The following PTPRT variants were observed in gnomAD, a reference collection of about 807,000 sequenced individuals.
PTPRT encodes the protein receptor-type tyrosine-protein phosphatase T.
A neutral mutation model predicts 176.8 loss-of-function variants in PTPRT; 56 were observed. The ratio of observed to expected loss-of-function variants is 0.32; its 90% CI spans 0.26 to 0.40. PTPRT has a LOEUF of 0.40. PTPRT is among the 10% of genes least tolerant of loss of function. The probability of loss-of-function intolerance (pLI) is 1.00; values close to 1 mark genes in which losing one functional copy is unlikely to be tolerated. For synonymous variants in PTPRT, 783 were observed against 739.0 expected (o/e 1.06, Z -0.96); for missense variants, 1,540 against 1,908.2 (o/e 0.81, Z 3.60).
intron 16 of PTPRT, among the ~76,000 whole-genome samples, chr20:42,165,409 C>T (rs369081800): frequency 3.3e-5 from 5 of 152,214 alleles, no homozygotes; most frequent in South Asian, 2.1e-4. Flanking sequence ...ATAAGGTGTG[C>T]GTGAATAAGC....
chr20:42,672,461 A>G (rs988865359), intron 7 of PTPRT, among the ~76,000 whole-genome samples: 10 of 152,162 alleles, frequency 6.6e-5, no homozygotes, highest in Admixed American at 3.3e-4. Context: ...ACTTTCCTTT[A>G]TAGATACATC....
chr20:42,878,373 T>C (rs745964845), intron 2 of PTPRT, among the ~76,000 whole-genome samples: 4 of 152,258 alleles, frequency 2.6e-5, no homozygotes, highest in Non-Finnish European at 5.9e-5. Flanking sequence ...ATGACTTTCA[T>C]TTCATTCTTT....
At chr20:42,546,727 T>C (rs1274321591) in intron 7 of PTPRT, among the ~76,000 whole-genome samples, 1 of 152,166 alleles carries the variant, frequency 6.6e-6, no homozygotes, top group African/African-American at 2.4e-5. Context: ...GGGTAATTAA[T>C]TGGCCTAATT....
chr20:42,245,552 C>T (rs1454327303), intron 14 of PTPRT, among the ~76,000 whole-genome samples: 1 of 152,156 alleles, frequency 6.6e-6, no homozygotes, highest in Admixed American at 6.5e-5. Flanking sequence ...CTCTCTTTTC[C>T]CTCCTCTATT....
intron 7 of PTPRT, among the ~76,000 whole-genome samples, chr20:42,574,562 T>C (rs2073222485): frequency 6.6e-6 from 1 of 151,730 alleles, no homozygotes; most frequent in African/African-American, 2.4e-5. Flanking sequence ...CTCCAGGGGA[T>C]GGAGGGAGGG....
chr20:42,348,370 T>TTTCATTTATTTA (rs1555830098), intron 11 of PTPRT, among the ~76,000 whole-genome samples: 2 of 146,526 alleles, frequency 1.4e-5, no homozygotes, highest in South Asian at 2.2e-4. Context: ...GTGACATTTC[T>TTTCATTTATTTA]TTTATTTATT....
intron 14 of PTPRT, among the ~76,000 whole-genome samples, chr20:42,240,384 G>A (rs1219033336): frequency 6.6e-6 from 1 of 152,200 alleles, no homozygotes; most frequent in Non-Finnish European, 1.5e-5. Context: ...AGGATACAGT[G>A]ATATTGCAAG....
At chr20:42,977,484 A>G (rs1983017935) in intron 1 of PTPRT, among the ~76,000 whole-genome samples, 1 of 152,214 alleles carries the variant, frequency 6.6e-6, no homozygotes, top group Admixed American at 6.5e-5. Context: ...ATTATAATAA[A>G]TATGTAAAGT....
intron 1 of PTPRT, among the ~76,000 whole-genome samples, chr20:43,104,844 TA>T (rs1430665941): frequency 2.6e-5 from 4 of 152,204 alleles, no homozygotes; most frequent in Admixed American, 1.3e-4. Context: ...TGGTGAGTAT[TA>T]AATAGATAAT....
At chr20:42,769,771 C>T (rs2077035995) in intron 5 of PTPRT, among the ~76,000 whole-genome samples, 1 of 152,158 alleles carries the variant, frequency 6.6e-6, no homozygotes, top group African/African-American at 2.4e-5. Context: ...GTAGTATATC[C>T]ATTCTATGAA....
chr20:43,066,914 T>G lies in PTPRT; in HGVS notation c.88+122732A>C, dbSNP rs932765131. Among the ~76,000 whole-genome samples the G allele has an allele frequency of 5.9e-5, 9 of 152,140 alleles. No individual in the cohort carries two copies. In the South Asian group the frequency reaches 6.2e-4, roughly 11 times the overall value. On this transcript the variant is annotated intron_variant, in intron 1 of 30. Transcript: ENST00000373187. ...CACTTTTTGTGCTACAATGGCAGAGTTGATTAATTATGACAGAGACCCTGT... is the reference window on the plus strand; with the variant it reads ...CACTTTTTGTGCTACAATGGCAGAGGTGATTAATTATGACAGAGACCCTGT...
At chr20:42,343,579 C>T (rs2058144014) in intron 11 of PTPRT, among the ~76,000 whole-genome samples, 1 of 152,202 alleles carries the variant, frequency 6.6e-6, no homozygotes, top group African/African-American at 2.4e-5. Context: ...ATACTACAAG[C>T]TTGTCTGCTT....
At chr20:42,419,222 A>C (rs2059094286) in intron 9 of PTPRT, among the ~76,000 whole-genome samples, 2 of 152,106 alleles carry the variant, frequency 1.3e-5, no homozygotes, top group Non-Finnish European at 2.9e-5. Flanking sequence ...GGTCCATCCC[A>C]CCCAATATGT....
chr20:42,677,123 G>A (rs1391807769), intron 7 of PTPRT, among the ~76,000 whole-genome samples: 2 of 152,118 alleles, frequency 1.3e-5, no homozygotes, highest in African/African-American at 4.8e-5. Flanking sequence ...AGCTCTTAGG[G>A]ACTAAGGTAG....
chr20:42,808,021 G>C (rs2077638116), intron 2 of PTPRT, among the ~76,000 whole-genome samples: 1 of 152,204 alleles, frequency 6.6e-6, no homozygotes, highest in South Asian at 2.1e-4. Context: ...CAGCTGCAGA[G>C]TGTACTCCCA....
intron 2 of PTPRT, among the ~76,000 whole-genome samples, chr20:42,799,512 T>C (rs2077499746): frequency 6.6e-6 from 1 of 152,118 alleles, no homozygotes; most frequent in African/African-American, 2.4e-5. Context: ...TCCCCAACAA[T>C]TCAATTCAAT....
At chr20:42,915,879 G>A (rs555142955) in intron 1 of PTPRT, among the ~76,000 whole-genome samples, 6 of 151,926 alleles carry the variant, frequency 3.9e-5, no homozygotes, top group African/African-American at 1.4e-4. Context: ...GGGATTACAG[G>A]CGTGAGTCAC....
intron 2 of PTPRT, among the ~76,000 whole-genome samples, chr20:42,849,796 T>G (rs2078438200): frequency 6.6e-6 from 1 of 152,212 alleles, no homozygotes; most frequent in East Asian, 1.9e-4. Context: ...CAACACACAG[T>G]AAGTCCTCAA....
intron 6 of PTPRT, among the ~76,000 whole-genome samples, chr20:42,694,991 G>A: frequency 6.6e-6 from 1 of 152,188 alleles, no homozygotes; most frequent in Non-Finnish European, 1.5e-5. Context: ...GGCCAGGCGG[G>A]GGTGGCTCAT....
Sources: allele counts gnomAD v4.1 joint callset (sites outside exome capture counted in the v4.1 genomes callset), GRCh38; gene constraint gnomAD v4.1.1; transcripts MANE v1.5; gene names NCBI Gene and HGNC (gene_info 2026-07-23, HGNC 2026-07-21).